ILKAP: variants seen among roughly 807,000 people sequenced by gnomAD.
The protein encoded by ILKAP is ILK associated serine/threonine phosphatase.
ILKAP carries 11 observed loss-of-function variants against 49.1 expected under a neutral mutation model. The ratio of observed to expected loss-of-function variants is 0.22; its 90% confidence interval spans 0.14 to 0.37. The LOEUF (loss-of-function observed/expected upper bound fraction) is 0.37, where lower values mean the gene tolerates loss of function less well. ILKAP is among the 10% of genes least tolerant of loss of function. The pLI is 1.00. For synonymous variants in ILKAP, 186 were observed against 192.8 expected, an observed-to-expected ratio of 0.96 and a Z score of 0.29; for missense variants, 363 against 510.8, an observed-to-expected ratio of 0.71 and a Z score of 2.79.
chr2:238,176,135 CTTTT>C (rs55849458), intron 9 of ILKAP, among the ~76,000 whole-genome samples: 4 of 98,014 alleles, frequency 4.1e-5, no homozygotes, highest in African/African-American at 1.2e-4. Flanking sequence ...CAAGTAGTGG[CTTTT>C]TTTTTTTTTT....
intron 9 of ILKAP, among the ~76,000 whole-genome samples, chr2:238,181,811 G>T (rs1276633403): frequency 1.3e-5 from 2 of 152,066 alleles, no homozygotes; most frequent in East Asian, 3.9e-4. Flanking sequence ...AACTTCCTAG[G>T]CACAGAGAAA....
At chr2:238,176,288 C>T (rs1030439853) in intron 9 of ILKAP, among the ~76,000 whole-genome samples, 1 of 152,052 alleles carries the variant, frequency 6.6e-6, no homozygotes, top group African/African-American at 2.4e-5. Flanking sequence ...TGCCTGCCAC[C>T]GTGCCAGCTA....
chr2:238,188,423 C>T (rs1693992046), intron 4 of ILKAP, 166 bp from the exon 5 acceptor site: 1 of 765,852 alleles, frequency 1.3e-6, no homozygotes, highest in South Asian at 1.9e-5. Flanking sequence ...AGCTGCAAGT[C>T]TATAACTCAA....
chr2:238,194,351 T>A lies in ILKAP; in HGVS notation c.122-20A>T. On this transcript the variant is annotated intron_variant, in intron 2 of 11. Coordinates refer to ENST00000254654, the MANE Select transcript of ILKAP (RefSeq NM_030768.3). The stretch of plus-strand genomic sequence containing the variant: ...CTGATCCTGAAACACAGCAGAACAC[T>A]TAGTGAGCCCACAAAAAATATGTAA... The A allele has an allele frequency of 6.2e-7, 1 of 1,612,626 alleles. No individual in the cohort carries two copies. The highest frequency in any genetic ancestry group is 8.5e-7 in the Non-Finnish European group (1 of 1,178,724).
chr2:238,171,160 CTTTTTT>C (rs370968879), intron 10 of ILKAP, 136 bp from the exon 11 acceptor site: 5 of 399,646 alleles, frequency 1.3e-5, no homozygotes, highest in African/African-American at 4.7e-5. Flanking sequence ...TTTCTTTTTT[CTTTTTT>C]TTTTTTTTTT....
intron 3 of ILKAP, among the ~76,000 whole-genome samples, chr2:238,192,843 T>C (rs1694194287): frequency 6.6e-6 from 1 of 151,984 alleles, no homozygotes; most frequent in Non-Finnish European, 1.5e-5. Context: ...GAAAACCCTG[T>C]CTCTACTAAA....
At chr2:238,184,273 TCC>T (rs1693814174) in intron 6 of ILKAP, among the ~76,000 whole-genome samples, 160 bp from the exon 7 acceptor site, 1 of 152,202 alleles carries the variant, frequency 6.6e-6, no homozygotes, top group East Asian at 1.9e-4. Context: ...CACTGCAACC[TCC>T]GCCTCCCAGG....
At chr2:238,194,017 G>C (rs1480756619) in intron 3 of ILKAP, among the ~76,000 whole-genome samples, 2 of 152,182 alleles carry the variant, frequency 1.3e-5, no homozygotes, top group Non-Finnish European at 2.9e-5. Context: ...ACAAAGTTAA[G>C]AGTAAATTAG....
In ILKAP at chr2:238,176,684, G is replaced by A. The variant is rs1280329313; in HGVS notation, c.837-3031C>T. Among the ~76,000 whole-genome samples, 3 of 152,346 alleles carry A rather than the reference G, an allele frequency of 2.0e-5. No individual in the cohort carries two copies. In the East Asian group the frequency reaches 5.8e-4, roughly 29 times the overall value. ...TTCTCCAGAGAGAGAGAGAGAGACTGGGTGAGACTGAGACATCCTACTACT... is the reference window on the plus strand; with the variant it reads ...TTCTCCAGAGAGAGAGAGAGAGACTAGGTGAGACTGAGACATCCTACTACT... On this transcript the variant is annotated intron_variant, in intron 9 of 11. Transcript: ENST00000254654.
chr2:238,181,767 C>T (rs1162426870), intron 9 of ILKAP, among the ~76,000 whole-genome samples: 6 of 151,996 alleles, frequency 3.9e-5, no homozygotes, highest in African/African-American at 1.4e-4. Context: ...GGACTACAGG[C>T]GCCCGCCACC....
chr2:238,201,623 C>T (rs1461340759), intron 1 of ILKAP, among the ~76,000 whole-genome samples: 1 of 152,202 alleles, frequency 6.6e-6, no homozygotes, highest in African/African-American at 2.4e-5. Flanking sequence ...AAGGTGCCAA[C>T]CTATGAGATT....
At chr2:238,187,758 G>A (rs996433195) in intron 5 of ILKAP, among the ~76,000 whole-genome samples, 7 of 152,142 alleles carry the variant, frequency 4.6e-5, no homozygotes, top group South Asian at 2.1e-4. Context: ...AGTAACACAC[G>A]CTGCAGAGCC....
At chr2:238,192,642 C>G (rs56109493) in intron 3 of ILKAP, among the ~76,000 whole-genome samples, 115,193 of 150,286 alleles carry the variant, frequency 0.77, 44,225 homozygotes, top group Middle Eastern at 0.88. Flanking sequence ...AGAGCTTGCA[C>G]TGAGCTGAGA....
intron 9 of ILKAP, among the ~76,000 whole-genome samples, chr2:238,178,106 C>T (rs780728274): frequency 6.6e-6 from 1 of 152,192 alleles, no homozygotes. Flanking sequence ...TTCACTTTTG[C>T]GCACAGTGCC....
chr2:238,192,481 C>T (rs1314078799), intron 3 of ILKAP, among the ~76,000 whole-genome samples: 4 of 151,870 alleles, frequency 2.6e-5, no homozygotes, highest in African/African-American at 7.3e-5. Flanking sequence ...AGGCGGATCA[C>T]GAAGTCAGGA....
intron 4 of ILKAP, among the ~76,000 whole-genome samples, chr2:238,189,093 C>G (rs914260108): frequency 2.6e-5 from 4 of 151,984 alleles, no homozygotes; most frequent in African/African-American, 9.7e-5. Flanking sequence ...CCGAGGCGGG[C>G]AGATCACAAA....
At chr2:238,174,496 G>A (rs558300528) in intron 9 of ILKAP, among the ~76,000 whole-genome samples, 4 of 152,310 alleles carry the variant, frequency 2.6e-5, no homozygotes, top group African/African-American at 7.2e-5. Flanking sequence ...GCGCATGGGC[G>A]TTTAAGATCA....
chr2:238,180,480 T>C (rs1693643968), intron 9 of ILKAP, among the ~76,000 whole-genome samples: 1 of 152,246 alleles, frequency 6.6e-6, no homozygotes. Flanking sequence ...AGACTAAACA[T>C]GACACAATGT....
At chr2:238,175,066 C>CT (rs1459416060) in intron 9 of ILKAP, among the ~76,000 whole-genome samples, 1 of 152,152 alleles carries the variant, frequency 6.6e-6, no homozygotes, top group Non-Finnish European at 1.5e-5. Context: ...GAAACAATCT[C>CT]TAAGTCTAAA....
Sources: gnomAD v4.1 joint callset for allele counts (sites outside exome capture counted in the v4.1 genomes callset) on GRCh38, gnomAD v4.1.1 for gene constraint, MANE v1.5 for transcripts, NCBI Gene and HGNC (gene_info 2026-07-23, HGNC 2026-07-21) for gene names.